The following TRPM3 variants were observed in gnomAD, a reference collection of about 807,000 sequenced individuals.
The protein encoded by TRPM3 is long transient receptor potential channel 3.
Under a neutral mutation model 181.2 loss-of-function variants are expected in TRPM3, and 77 were observed. The ratio of observed to expected loss-of-function variants is 0.42; its 90% CI spans 0.35 to 0.51. The LOEUF (loss-of-function observed/expected upper bound fraction) is 0.51, where lower values mean the gene tolerates loss of function less well. Ranked by LOEUF, TRPM3 falls within the 20% of genes least tolerant of loss-of-function variation. The pLI, the probability that TRPM3 is intolerant of heterozygous loss-of-function variation, is 0.01. For synonymous variants in TRPM3, 745 were observed against 796.4 expected (o/e 0.94, Z 1.09); for missense variants, 1,759 against 2,196.7 (o/e 0.80, Z 3.98).
chr9:71,097,420 T>C (rs2067504782), intron 1 of TRPM3, among the ~76,000 whole-genome samples: 1 of 152,140 alleles, frequency 6.6e-6, no homozygotes, highest in South Asian at 2.1e-4. Flanking sequence ...GCATAGTATT[T>C]ACACTTAATA....
chr9:70,788,969 C>T (rs2084633935), intron 6 of TRPM3, among the ~76,000 whole-genome samples: 1 of 152,142 alleles, frequency 6.6e-6, no homozygotes, highest in Non-Finnish European at 1.5e-5. Flanking sequence ...TGGCCTGGCT[C>T]CTAATAGGAC....
At chr9:70,549,977 A>G (rs545236846) in intron 24 of TRPM3, among the ~76,000 whole-genome samples, 4 of 152,328 alleles carry the variant, frequency 2.6e-5, no homozygotes, top group South Asian at 4.1e-4. Context: ...AAGGGAAGCT[A>G]TTCAGAGCCT....
intron 1 of TRPM3, among the ~76,000 whole-genome samples, chr9:71,425,309 C>T (rs190452882): frequency 1.3e-5 from 2 of 152,202 alleles, no homozygotes; most frequent in East Asian, 3.9e-4. Context: ...ATTGAACTCA[C>T]CAATTTGTTG....
chr9:70,620,956 A>G (rs2063520110), intron 15 of TRPM3, among the ~76,000 whole-genome samples: 1 of 149,920 alleles, frequency 6.7e-6, no homozygotes. Flanking sequence ...CATTGCAGAT[A>G]TAACCTCATG....
chr9:70,787,300 C>T (rs965049033), intron 6 of TRPM3, among the ~76,000 whole-genome samples: 1 of 152,022 alleles, frequency 6.6e-6, no homozygotes, highest in East Asian at 1.9e-4. Context: ...AAAAATTGAA[C>T]GGAGCAAACT....
In TRPM3 at chr9:71,386,450, G is replaced by GA. The variant is rs1028414113; in HGVS notation, c.183+60202dup. 9.0e-3 allele frequency among the ~76,000 whole-genome samples: 1,212 copies of GA among 134,028 alleles called. 13 individuals carry two copies. Among genetic ancestry groups the GA allele is most frequent in the African/African-American group, 0.023 (851 of 36,700 alleles). 87.9% of individuals were successfully genotyped at this position (134,028 alleles called of 152,430 possible). A position where few individuals can be genotyped will look rare whatever the true frequency, so the allele number is the denominator to read the frequency against. On this transcript the variant is annotated intron_variant, in intron 1 of 24. Coordinates refer to the TRPM3 transcript ENST00000357533. Reference sequence around the variant, plus strand: ...GGGACAGAGCAAGACTCTGTCTTTTGAAAAAAAAAAAAAGATAGCAAATAT... The same window carrying GA: ...GGGACAGAGCAAGACTCTGTCTTTTGAAAAAAAAAAAAAAGATAGCAAATAT...
chr9:70,550,332 G>C (rs2046173463), intron 24 of TRPM3, among the ~76,000 whole-genome samples: 1 of 152,172 alleles, frequency 6.6e-6, no homozygotes, highest in South Asian at 2.1e-4. Context: ...ATGACTGGAG[G>C]TGAGGCATCT....
intron 1 of TRPM3, among the ~76,000 whole-genome samples, chr9:71,019,775 G>A (rs1176885256): frequency 6.6e-6 from 1 of 152,058 alleles, no homozygotes; most frequent in African/African-American, 2.4e-5. Flanking sequence ...CCAAAACAAT[G>A]ATAAACTAGA....
At chr9:71,418,887 C>T (rs868131533) in intron 1 of TRPM3, among the ~76,000 whole-genome samples, 2 of 127,282 alleles carry the variant, frequency 1.6e-5, no homozygotes, top group Middle Eastern at 3.7e-3. Context: ...TATATATATA[C>T]ACACATATAT....
At chr9:71,229,833 T>C (rs2131896907) in intron 1 of TRPM3, among the ~76,000 whole-genome samples, 1 of 152,230 alleles carries the variant, frequency 6.6e-6, no homozygotes, top group Non-Finnish European at 1.5e-5. Context: ...ATGCTCTTGG[T>C]GGGAATGTAA....
intron 1 of TRPM3, among the ~76,000 whole-genome samples, chr9:71,231,844 G>A (rs2081072754): frequency 6.6e-6 from 1 of 152,194 alleles, no homozygotes; most frequent in African/African-American, 2.4e-5. Flanking sequence ...CTCACTGCCT[G>A]AGTGATGCGA....
intron 1 of TRPM3, among the ~76,000 whole-genome samples, chr9:71,408,834 A>T (rs1482518390): frequency 1.3e-5 from 2 of 152,232 alleles, no homozygotes; most frequent in African/African-American, 2.4e-5. Context: ...GAAGGAAAAA[A>T]GTTTAAGGGC....
chr9:71,376,705 T>C (rs2092675495), intron 1 of TRPM3, among the ~76,000 whole-genome samples: 1 of 152,114 alleles, frequency 6.6e-6, no homozygotes, highest in Non-Finnish European at 1.5e-5. Context: ...TTTCAGGTTC[T>C]AGTCATCAAA....
At chr9:71,203,767 G>A (rs2078945256) in intron 1 of TRPM3, among the ~76,000 whole-genome samples, 1 of 152,150 alleles carries the variant, frequency 6.6e-6, no homozygotes, top group South Asian at 2.1e-4. Context: ...CTTTATACAA[G>A]TATTGGCTGT....
intron 9 of TRPM3, among the ~76,000 whole-genome samples, chr9:70,652,512 T>C (rs942803956): frequency 6.6e-6 from 1 of 152,148 alleles, no homozygotes; most frequent in South Asian, 2.1e-4. Flanking sequence ...TCAGGAACTT[T>C]GACACCAAGG....
chr9:70,998,167 A>G (rs1399911959), intron 1 of TRPM3, among the ~76,000 whole-genome samples: 2 of 144,160 alleles, frequency 1.4e-5, no homozygotes, highest in East Asian at 3.9e-4. Context: ...ATATATACAT[A>G]TATACACATA....
At chr9:71,416,564 A>C (rs1369499501) in intron 1 of TRPM3, among the ~76,000 whole-genome samples, 1 of 151,920 alleles carries the variant, frequency 6.6e-6, no homozygotes, top group East Asian at 1.9e-4. Flanking sequence ...TATGTTTAAA[A>C]TTGCCAAAAA....
At chr9:70,610,449 G>A (rs932373527) in intron 19 of TRPM3, among the ~76,000 whole-genome samples, 160 bp downstream of exon 19, 5 of 152,128 alleles carry the variant, frequency 3.3e-5, no homozygotes, top group African/African-American at 9.7e-5. Flanking sequence ...CCTAACAAAC[G>A]CCACAAATCT....
At chr9:70,980,626 C>T (rs2097354997) in intron 1 of TRPM3, among the ~76,000 whole-genome samples, 1 of 152,158 alleles carries the variant, frequency 6.6e-6, no homozygotes, top group Non-Finnish European at 1.5e-5. Flanking sequence ...TTTACTCATT[C>T]TTCTGTACTC....
Sources: allele counts gnomAD v4.1 joint callset (sites outside exome capture counted in the v4.1 genomes callset), GRCh38; gene constraint gnomAD v4.1.1; transcripts MANE v1.5; gene names NCBI Gene and HGNC (gene_info 2026-07-23, HGNC 2026-07-21).